RBM47: variants seen among roughly 807,000 people sequenced by gnomAD.
RBM47 encodes the protein RNA-binding protein 47.
RBM47 carries 21 observed loss-of-function variants against 47.1 expected under a neutral mutation model. That is an observed-to-expected ratio of 0.45 (90% CI 0.32 to 0.64). The LOEUF is 0.64. Ranked by LOEUF, RBM47 falls within the 30% of genes least tolerant of loss-of-function variation. The pLI, the probability that RBM47 is intolerant of heterozygous loss-of-function variation, is 0.05. For synonymous variants in RBM47, 375 were observed against 361.7 expected, an observed-to-expected ratio of 1.04 and a Z score of -0.42; for missense variants, 708 against 870.9, an observed-to-expected ratio of 0.81 and a Z score of 2.35.
Position 40,481,927 on chromosome 4 carries a change from C to G in RBM47, c.-154-15228G>C, listed in dbSNP as rs185827862. Among the ~76,000 whole-genome samples the G allele has an allele frequency of 3.7e-3, 565 of 152,306 alleles. 3 individuals are homozygous for G. The highest frequency in any genetic ancestry group is 5.3e-3 in the Non-Finnish European group (363 of 68,034). On this transcript the variant is annotated intron_variant, in intron 2 of 6. Transcript: ENST00000295971. ...CTCGAACTCCTGACCTCAGGCGATC[C>G]ACCGGCCTCAACCTCCCAAAGTACT...
intron 1 of RBM47, among the ~76,000 whole-genome samples, chr4:40,570,527 A>T (rs760329222): frequency 2.0e-5 from 3 of 151,962 alleles, no homozygotes; most frequent in African/African-American, 2.4e-5. Context: ...GACTGTAAAT[A>T]CAGATGAAGC....
chr4:40,600,308 T>C (rs769927402), intron 1 of RBM47, among the ~76,000 whole-genome samples: 20 of 151,986 alleles, frequency 1.3e-4, no homozygotes, highest in Middle Eastern at 3.4e-3. Context: ...CCACCACAAC[T>C]GGCCTAAAGA....
chr4:40,471,876 C>T (rs955779568), intron 2 of RBM47, among the ~76,000 whole-genome samples: 28 of 152,108 alleles, frequency 1.8e-4, no homozygotes, highest in African/African-American at 6.8e-4. Context: ...TCCAATATTT[C>T]AGCCCTCACC....
intron 2 of RBM47, among the ~76,000 whole-genome samples, chr4:40,496,329 AACACACACACAC>A (rs10597716): frequency 6.2e-5 from 8 of 129,300 alleles, no homozygotes; most frequent in East Asian, 4.5e-4. Flanking sequence ...GGAGAACTTA[AACACACACACAC>A]ACACACACAC....
At position 40,425,606 on chromosome 4, in the gene RBM47, AAAC is replaced by A. The variant is rs1272248541; in HGVS notation, c.*295_*297del. On this transcript the variant is annotated 3_prime_UTR_variant, in exon 7 of 7. Transcript: ENST00000295971. ...TCATACTGAAAATATATCCTTAAAA[AAAC>A]AACAACAAAAACCTCTATACAAATG... The A allele has an allele frequency of 8.1e-5, 19 of 235,162 alleles. No individual in the cohort carries two copies. The highest frequency in any genetic ancestry group is 1.7e-4 in the East Asian group (2 of 11,574). 14.6% of individuals were successfully genotyped at this position (235,162 alleles called of 1,614,324 possible).
chr4:40,534,141 T>C (rs767409356), intron 2 of RBM47, among the ~76,000 whole-genome samples: 1 of 151,942 alleles, frequency 6.6e-6, no homozygotes, highest in African/African-American at 2.4e-5. Context: ...TTAATTTATT[T>C]TTTTTTTAGA....
At chr4:40,620,871 A>C (rs893504395) in intron 1 of RBM47, among the ~76,000 whole-genome samples, 1 of 152,134 alleles carries the variant, frequency 6.6e-6, no homozygotes, top group Non-Finnish European at 1.5e-5. Context: ...AGTGCATATG[A>C]TAAGAAATAA....
chr4:40,455,330 C>CT (rs1343014748), intron 3 of RBM47: 42 of 152,364 alleles, frequency 2.8e-4, no homozygotes, highest in African/African-American at 1.0e-3. Context: ...TGGAGCCAGA[C>CT]TGCCTCGCTT....
Position 40,436,450 on chromosome 4 carries a change from G to A in RBM47, c.1321C>T (p.Pro441Ser). The stretch of plus-strand genomic sequence containing the variant: ...TCTGCTTCATACTGACCTGTACCAG[G>A]TTTAATGGCAACTGGGTTGACGGTA... Reference protein sequence around the residue: ...IPTVNPVAIKPGTVAIPAIGA... With the variant: ...IPTVNPVAIKSGTVAIPAIGA... The change falls in exon 5 of 7, where the codon CCT becomes TCT. Residue 441 changes from proline to serine, a missense_variant. By Grantham distance (74) the Pro-to-Ser change is moderately conservative. Transcript: ENST00000295971. The A allele has an allele frequency of 6.2e-7, 1 of 1,613,586 alleles. No homozygotes were observed. Among genetic ancestry groups the A allele is most frequent in the Non-Finnish European group, 8.5e-7 (1 of 1,179,978 alleles).
At chr4:40,453,722 T>C (rs1715798766) in intron 3 of RBM47, among the ~76,000 whole-genome samples, 1 of 152,176 alleles carries the variant, frequency 6.6e-6, no homozygotes, top group South Asian at 2.1e-4. Flanking sequence ...GTATTTCACT[T>C]ACATGCTAAG....
chr4:40,558,826 T>TA (rs573205780), intron 1 of RBM47, among the ~76,000 whole-genome samples: 26,807 of 129,688 alleles, frequency 0.21, 2,928 homozygotes, highest in African/African-American at 0.31. Context: ...AAACTCTGTC[T>TA]AAAAAAAAAA....
At position 40,438,751 on chromosome 4, in the gene RBM47, T is replaced by C; in HGVS notation, c.143A>G (p.Gln48Arg). ...LMERTGYSMV[Q>R]ENGQRKYGGP... ...GCCGTACTTGCGCTGCCCGTTCTCT[T>C]GCACCATGCTGTAGCCCGTGCGCTC... Residue 48 changes from glutamine (Q) to arginine (R), a missense_variant, in exon 4 of 7, where the codon CAA (glutamine) becomes CGA (arginine). Transcript: ENST00000295971. 6.3e-7 allele frequency: 1 copy of C among 1,593,532 alleles called. No individual in the cohort carries two copies. Among genetic ancestry groups the C allele is most frequent in the Non-Finnish European group, 8.5e-7 (1 of 1,173,288 alleles).
intron 1 of RBM47, among the ~76,000 whole-genome samples, chr4:40,619,485 G>C (rs2154281044): frequency 6.6e-6 from 1 of 152,228 alleles, no homozygotes; most frequent in South Asian, 2.1e-4. Context: ...CTTTTCCATG[G>C]TCTTTAGTGA....
chr4:40,447,258 A>G (rs1714671338), intron 3 of RBM47, among the ~76,000 whole-genome samples: 1 of 152,214 alleles, frequency 6.6e-6, no homozygotes, highest in Non-Finnish European at 1.5e-5. Context: ...ATTTACTCAC[A>G]GTTTTGTATA....
At chr4:40,568,565 C>T (rs896017016) in intron 1 of RBM47, among the ~76,000 whole-genome samples, 13 of 147,480 alleles carry the variant, frequency 8.8e-5, no homozygotes, top group East Asian at 2.0e-4. Flanking sequence ...CAAAAGCAAA[C>T]GAACAAAAAA....
intron 1 of RBM47, among the ~76,000 whole-genome samples, chr4:40,569,411 ATTT>A (rs34044561): frequency 1.4e-5 from 2 of 140,142 alleles, no homozygotes; most frequent in Non-Finnish European, 3.1e-5. Context: ...TTCTATTCTC[ATTT>A]TTTTTTTTTT....
intron 2 of RBM47, among the ~76,000 whole-genome samples, chr4:40,540,771 A>G (rs1271152782): frequency 1.3e-5 from 2 of 148,780 alleles, no homozygotes; most frequent in African/African-American, 4.9e-5. Flanking sequence ...TTTAATTTAT[A>G]TATTTTATTT....
At chr4:40,464,890 C>CAAAAAAAAAA (rs71646997) in intron 3 of RBM47, among the ~76,000 whole-genome samples, 1 of 32,082 alleles carries the variant, frequency 3.1e-5, no homozygotes, top group East Asian at 9.0e-4. Flanking sequence ...GACTCTGTCT[C>CAAAAAAAAAA]AAAAAAAAAA....
chr4:40,574,668 G>A (rs765362676), intron 1 of RBM47, among the ~76,000 whole-genome samples: 4 of 152,128 alleles, frequency 2.6e-5, no homozygotes, highest in Admixed American at 6.5e-5. Flanking sequence ...TGGCCAACGT[G>A]GTGAAATCCC....
Sources: gnomAD v4.1 joint callset for allele counts (sites outside exome capture counted in the v4.1 genomes callset) on GRCh38, gnomAD v4.1.1 for gene constraint, MANE v1.5 for transcripts, NCBI Gene and HGNC (gene_info 2026-07-23, HGNC 2026-07-21) for gene names.